Variants in C12orf42 observed in about 807,000 individuals in gnomAD.
C12orf42 encodes chromosome 12 open reading frame 42.
In C12orf42, 25 loss-of-function variants were observed where a neutral mutation model predicts 21.6. The ratio of observed to expected loss-of-function variants is 1.16; its 90% CI spans 0.84 to 1.62. C12orf42 has a LOEUF of 1.62. C12orf42 is among the 40% of genes most tolerant of loss of function. The pLI, the probability that C12orf42 is intolerant of heterozygous loss-of-function variation, is 0.00. For missense variants in C12orf42, 483 were observed against 459.3 expected (o/e 1.05, Z -0.47); for synonymous variants, 174 against 175.0 (o/e 0.99, Z 0.05).
the C12orf42 span, among the ~76,000 whole-genome samples, chr12:103,225,594 T>C: frequency 2.6e-5 from 4 of 151,950 alleles, no homozygotes; most frequent in South Asian, 2.1e-4. Flanking sequence ...CAATGAGATA[T>C]AGCTGTAGTC....
rs753145723 is a variant in C12orf42 at position 103,368,967 on chromosome 12, G to C, written c.179C>G (p.Pro60Arg). 2.1e-5 allele frequency: 34 copies of C among 1,598,528 alleles called. No homozygotes were observed. The highest frequency in any genetic ancestry group is 2.9e-5 in the Non-Finnish European group (34 of 1,170,962). Residue 60 changes from proline to arginine, a missense_variant, in exon 4 of 6, where the codon CCC (proline) becomes CGC (arginine). Transcript: ENST00000548883. Reference sequence around the variant, plus strand: ...CATGTGATTAATGAATCTGGAGCAGGGTACTGAAGTTCTTTCATAACAAGG... The same window carrying C: ...CATGTGATTAATGAATCTGGAGCAGCGTACTGAAGTTCTTTCATAACAAGG... ...HIPCYERTSV[P>R]CSRFINHMKN...
At chr12:103,156,012 TTTATA>T in the C12orf42 span, 1 of 151,834 alleles carries the variant, frequency 6.6e-6, no homozygotes, top group African/African-American at 2.4e-5. Flanking sequence ...TTAATATTAT[TTTATA>T]TTAATCATGA....
the C12orf42 span, among the ~76,000 whole-genome samples, chr12:103,130,827 G>T: frequency 6.6e-6 from 1 of 152,202 alleles, no homozygotes; most frequent in Non-Finnish European, 1.5e-5. Flanking sequence ...TTCTGCTGCT[G>T]CTGCAATCTC....
the C12orf42 span, among the ~76,000 whole-genome samples, chr12:103,127,823 C>T: frequency 4.9e-4 from 74 of 152,222 alleles, no homozygotes; most frequent in Non-Finnish European, 7.1e-4. Flanking sequence ...ATAGTACTTA[C>T]GAGAACATTC....
At chr12:103,335,718 T>A (rs566716833) in intron 4 of C12orf42, among the ~76,000 whole-genome samples, 1 of 152,154 alleles carries the variant, frequency 6.6e-6, no homozygotes, top group Non-Finnish European at 1.5e-5. Context: ...ATATCTTCAG[T>A]TTGCAGACCA....
At chr12:103,274,271 G>C (rs924760073) in intron 5 of C12orf42, among the ~76,000 whole-genome samples, 1 of 152,192 alleles carries the variant, frequency 6.6e-6, no homozygotes. Context: ...TGTGATGCCT[G>C]TGCTGCTAAA....
At chr12:103,406,031 A>G (rs1193673310) in intron 2 of C12orf42, among the ~76,000 whole-genome samples, 2 of 152,190 alleles carry the variant, frequency 1.3e-5, no homozygotes, top group African/African-American at 2.4e-5. Flanking sequence ...GATCTCATCA[A>G]TATACCAGTG....
intron 1 of C12orf42, among the ~76,000 whole-genome samples, chr12:103,491,977 G>T (rs1955218267): frequency 6.6e-6 from 1 of 150,916 alleles, no homozygotes; most frequent in South Asian, 2.1e-4. Flanking sequence ...GTTTGTTTAA[G>T]ATAGAGTCTC....
the C12orf42 span, among the ~76,000 whole-genome samples, chr12:103,191,171 T>G: frequency 1.3e-5 from 2 of 152,194 alleles, no homozygotes; most frequent in East Asian, 3.9e-4. Context: ...GAAAACTGTT[T>G]TCTAAAAATA....
At chr12:103,089,492 G>A in the C12orf42 span, among the ~76,000 whole-genome samples, 19 of 152,220 alleles carry the variant, frequency 1.2e-4, no homozygotes, top group South Asian at 1.9e-3. Flanking sequence ...ATACTGGCCC[G>A]TAAGAAATCG....
the C12orf42 span, among the ~76,000 whole-genome samples, chr12:103,136,437 T>C: frequency 6.6e-6 from 1 of 152,200 alleles, no homozygotes; most frequent in Non-Finnish European, 1.5e-5. Context: ...ATCTTCCATA[T>C]TAATTGAAAG....
intron 4 of C12orf42, among the ~76,000 whole-genome samples, chr12:103,337,935 T>C (rs2041851378): frequency 6.6e-6 from 1 of 152,206 alleles, no homozygotes; most frequent in South Asian, 2.1e-4. Flanking sequence ...CATCCCTTGA[T>C]ACTTCTCCCA....
the C12orf42 span, among the ~76,000 whole-genome samples, chr12:103,082,066 G>A: frequency 6.6e-6 from 1 of 152,170 alleles, no homozygotes; most frequent in African/African-American, 2.4e-5. Context: ...CAGGAAGATG[G>A]GGAATTAGTG....
the C12orf42 span, among the ~76,000 whole-genome samples, chr12:103,139,907 T>C: frequency 6.6e-6 from 1 of 152,242 alleles, no homozygotes; most frequent in Non-Finnish European, 1.5e-5. Context: ...TTCTTCTTTG[T>C]CCATTTATGT....
chr12:103,122,025 G>T, the C12orf42 span, among the ~76,000 whole-genome samples: 124 of 152,216 alleles, frequency 8.1e-4, no homozygotes, highest in African/African-American at 3.0e-3. Context: ...TGGCACTATT[G>T]TTTTTTTCTG....
intron 4 of C12orf42, among the ~76,000 whole-genome samples, chr12:103,341,012 C>T (rs1039871880): frequency 2.7e-5 from 4 of 148,268 alleles, no homozygotes; most frequent in Non-Finnish European, 5.9e-5. Context: ...ACTTGGGAGG[C>T]TGAGGCAGGA....
intron 4 of C12orf42, among the ~76,000 whole-genome samples, chr12:103,314,038 T>TG (rs1479927960): frequency 2.6e-5 from 4 of 152,154 alleles, no homozygotes; most frequent in African/African-American, 9.7e-5. Flanking sequence ...AGTGGAGACC[T>TG]GTGAAGATGA....
chr12:103,474,666 C>T (rs968869461), intron 2 of C12orf42, among the ~76,000 whole-genome samples: 1 of 152,164 alleles, frequency 6.6e-6, no homozygotes, highest in Admixed American at 6.5e-5. Flanking sequence ...CAAGCCACCA[C>T]TTTTGATTAA....
At chr12:103,403,047 G>T (rs779110393) in intron 2 of C12orf42, among the ~76,000 whole-genome samples, 2 of 152,208 alleles carry the variant, frequency 1.3e-5, no homozygotes, top group Admixed American at 1.3e-4. Context: ...TCAACTCTGC[G>T]CTGGGCACAT....
Sources: gnomAD v4.1 joint callset for allele counts (sites outside exome capture counted in the v4.1 genomes callset) on GRCh38, gnomAD v4.1.1 for gene constraint, MANE v1.5 for transcripts, NCBI Gene and HGNC (gene_info 2026-07-23, HGNC 2026-07-21) for gene names.